Variants in GNB4 observed in about 807,000 individuals in gnomAD.
GNB4 encodes G protein subunit beta 4.
A neutral mutation model predicts 45.2 loss-of-function variants in GNB4; 28 were observed. The ratio of observed to expected loss-of-function variants is 0.62; its 90% CI spans 0.46 to 0.85. GNB4 has a LOEUF of 0.85. GNB4 is among the 40% of genes least tolerant of loss of function. The probability of loss-of-function intolerance (pLI) is 0.00; values close to 1 mark genes in which losing one functional copy is unlikely to be tolerated. For synonymous variants in GNB4, 132 were observed against 143.7 expected (o/e 0.92, Z 0.58); for missense variants, 321 against 425.4 (o/e 0.75, Z 2.16).
chr3:179,511,849 T>C, the GNB4 span, among the ~76,000 whole-genome samples: 1 of 152,194 alleles, frequency 6.6e-6, no homozygotes, highest in African/African-American at 2.4e-5. Flanking sequence ...TATACAGTAG[T>C]GCTGTCCAGT....
At chr3:179,445,266 G>T (rs867694352) in intron 1 of GNB4, among the ~76,000 whole-genome samples, 35 of 152,122 alleles carry the variant, frequency 2.3e-4, no homozygotes, top group African/African-American at 7.7e-4. Context: ...CCTCTAAAAA[G>T]AGTACTTTAT....
At chr3:179,518,548 T>G in the GNB4 span, among the ~76,000 whole-genome samples, 1 of 152,042 alleles carries the variant, frequency 6.6e-6, no homozygotes, top group African/African-American at 2.4e-5. Flanking sequence ...AGGTCTCAAT[T>G]TTTCCTCAGC....
chr3:179,501,530 GC>G, the GNB4 span, among the ~76,000 whole-genome samples: 2 of 145,490 alleles, frequency 1.4e-5, no homozygotes, highest in African/African-American at 5.1e-5. Context: ...TTGTCGTGTT[GC>G]CCAGAGTGGT....
the GNB4 span, among the ~76,000 whole-genome samples, chr3:179,489,043 T>TATAA: frequency 2.5e-5 from 2 of 81,340 alleles, no homozygotes; most frequent in African/African-American, 5.3e-5. Flanking sequence ...TATATATATA[T>TATAA]ATAATATATA....
chr3:179,499,976 A>T, the GNB4 span, among the ~76,000 whole-genome samples: 1 of 152,156 alleles, frequency 6.6e-6, no homozygotes, highest in Non-Finnish European at 1.5e-5. Context: ...GATTCTGGAT[A>T]TTAGCCCTTT....
the GNB4 span, among the ~76,000 whole-genome samples, chr3:179,488,099 G>T: frequency 1.0e-3 from 152 of 151,200 alleles, no homozygotes; most frequent in African/African-American, 3.5e-3. Flanking sequence ...AGACACTGAA[G>T]AACTGATCCT....
At chr3:179,485,459 T>C in the GNB4 span, among the ~76,000 whole-genome samples, 1 of 152,238 alleles carries the variant, frequency 6.6e-6, no homozygotes, top group Non-Finnish European at 1.5e-5. Context: ...GTATTTCTTT[T>C]GCCTATTTCC....
the GNB4 span, among the ~76,000 whole-genome samples, chr3:179,512,813 G>A: frequency 1.3e-5 from 2 of 152,096 alleles, no homozygotes; most frequent in African/African-American, 2.4e-5. Flanking sequence ...GTGCATGTAC[G>A]TGTGTGTGTG....
chr3:179,485,835 G>A, the GNB4 span, among the ~76,000 whole-genome samples: 1 of 152,170 alleles, frequency 6.6e-6, no homozygotes, highest in East Asian at 1.9e-4. Flanking sequence ...AGCTACTCAG[G>A]AGGCTGAGGC....
chr3:179,402,627 G>GA (rs1342149904), intron 9 of GNB4, among the ~76,000 whole-genome samples: 2 of 152,174 alleles, frequency 1.3e-5, no homozygotes, highest in African/African-American at 4.8e-5. Flanking sequence ...CAATGGCAAC[G>GA]AACTTTCGTA....
chr3:179,452,946 A>C (rs914868813), upstream of GNB4, among the ~76,000 whole-genome samples: 2 of 152,198 alleles, frequency 1.3e-5, no homozygotes, highest in Non-Finnish European at 2.9e-5. Flanking sequence ...AGTGCCTATT[A>C]CGGACCATGC....
At chr3:179,451,029 AG>A in intron 1 of GNB4, 1 of 152,290 alleles carries the variant, frequency 6.6e-6, no homozygotes, top group Non-Finnish European at 1.5e-5. Context: ...ACGAGAAACC[AG>A]GGGGGTCTGC....
chr3:179,426,581 C>T (rs757446574), intron 1 of GNB4, among the ~76,000 whole-genome samples: 5 of 152,096 alleles, frequency 3.3e-5, no homozygotes, highest in Admixed American at 6.5e-5. Context: ...TCTGGATTGG[C>T]ACCTAACACA....
the GNB4 span, among the ~76,000 whole-genome samples, chr3:179,502,498 G>A: frequency 6.6e-6 from 1 of 152,080 alleles, no homozygotes; most frequent in East Asian, 1.9e-4. Context: ...CTCCCAAAGT[G>A]TTGGGATTAC....
rs1037486989 is a variant in GNB4 at position 179,414,802 on chromosome 3, G to A, written c.430+83C>T. 4.5e-5 allele frequency: 51 copies of A among 1,141,574 alleles called. No homozygotes were observed. In the Admixed American group the frequency reaches 7.1e-4, roughly 16 times the overall value. The allele number at this position is 1,141,574 out of a possible 1,614,324, so 70.7% of individuals were successfully genotyped here. On this transcript the variant is annotated intron_variant, in intron 6 of 9. Transcript: ENST00000232564. ...ATTAATCCTCATCCTTTAGCCAGCC[G>A]AGCACAATCTGTCATTTGTCCTTGA... is the stretch of plus-strand genomic sequence containing the variant.
chr3:179,401,545 G>A (rs1190770708), intron 9 of GNB4, among the ~76,000 whole-genome samples: 1 of 152,146 alleles, frequency 6.6e-6, no homozygotes, highest in East Asian at 1.9e-4. Context: ...TTTGAATTTT[G>A]ACATGCATCA....
chr3:179,477,695 G>A, the GNB4 span, among the ~76,000 whole-genome samples: 5 of 152,018 alleles, frequency 3.3e-5, no homozygotes, highest in African/African-American at 1.2e-4. Context: ...AATAAAGCGA[G>A]ACCCTATCTC....
At chr3:179,464,360 C>T in the GNB4 span, 1 of 829,718 alleles carries the variant, frequency 1.2e-6, no homozygotes, top group Non-Finnish European at 2.1e-6. Flanking sequence ...CTGCGACTTC[C>T]CTCATGTCCA....
At chr3:179,518,532 C>T in the GNB4 span, among the ~76,000 whole-genome samples, 1 of 152,068 alleles carries the variant, frequency 6.6e-6, no homozygotes, top group Non-Finnish European at 1.5e-5. Flanking sequence ...ATTGCCAGGC[C>T]AAGCTAGGTC....
Sources: gnomAD v4.1 joint callset for allele counts (sites outside exome capture counted in the v4.1 genomes callset) on GRCh38, gnomAD v4.1.1 for gene constraint, MANE v1.5 for transcripts, NCBI Gene and HGNC (gene_info 2026-07-23, HGNC 2026-07-21) for gene names.